The following TRPM3 variants were observed in gnomAD, a reference collection of about 807,000 sequenced individuals.
TRPM3 encodes the protein long transient receptor potential channel 3.
Under a neutral mutation model 181.2 loss-of-function variants are expected in TRPM3, and 77 were observed. The observed-to-expected ratio is 0.42, with a 90% confidence interval of 0.35 to 0.51. The LOEUF (loss-of-function observed/expected upper bound fraction) is 0.51. Among genes scored for constraint, TRPM3 ranks in the 20% least tolerant of loss-of-function variants. The pLI, the probability that TRPM3 is intolerant of heterozygous loss-of-function variation, is 0.01. For synonymous variants in TRPM3, 745 were observed against 796.4 expected (o/e 0.94, Z 1.09); for missense variants, 1,759 against 2,196.7 (o/e 0.80, Z 3.98).
At chr9:70,610,513 C>T in intron 19 of TRPM3, 96 bp downstream of exon 19, 1 of 1,458,544 alleles carries the variant, frequency 6.9e-7, no homozygotes, top group Non-Finnish European at 9.3e-7. Context: ...GTGTGTGGCA[C>T]TTACGACTTG....
intron 7 of TRPM3, chr9:70,774,186 C>T (rs2080897448): frequency 6.6e-6 from 1 of 152,670 alleles, no homozygotes; most frequent in Non-Finnish European, 1.5e-5. Context: ...GGTTCACTTA[C>T]ACTCTAATTT....
chr9:71,257,514 T>A (rs145611245), intron 1 of TRPM3, among the ~76,000 whole-genome samples: 1 of 152,194 alleles, frequency 6.6e-6, no homozygotes, highest in Admixed American at 6.6e-5. Context: ...AACTGTGTGA[T>A]AGTAATGGCA....
rs1424685366 is a variant in TRPM3 at position 71,011,791 on chromosome 9, T to G, written c.177+109387A>C. Reference sequence around the variant, plus strand: ...CATGGTTTTTTTTTTTGTTTTTTTGTTTTTTTTCAGACAGTATCTTGTTCC... The same window carrying G: ...CATGGTTTTTTTTTTTGTTTTTTTGGTTTTTTTCAGACAGTATCTTGTTCC... On this transcript the variant is annotated intron_variant, in intron 1 of 25. Coordinates refer to ENST00000677713, the MANE Select transcript of TRPM3 (RefSeq NM_001366145.2). 1.9e-4 allele frequency among the ~76,000 whole-genome samples: 17 copies of G among 91,100 alleles called. 1 individual carries two copies. The highest frequency in any genetic ancestry group is 1.8e-3 in the Admixed American group (15 of 8,122). 59.8% of individuals were successfully genotyped at this position (91,100 alleles called of 152,430 possible). A position where few individuals can be genotyped will look rare whatever the true frequency, so the allele number is the denominator to read the frequency against.
At chr9:71,306,639 G>A (rs966112837) in intron 1 of TRPM3, among the ~76,000 whole-genome samples, 1 of 152,150 alleles carries the variant, frequency 6.6e-6, no homozygotes, top group Non-Finnish European at 1.5e-5. Context: ...ACTTTGGGAG[G>A]CTGAGGCAGG....
intron 1 of TRPM3, among the ~76,000 whole-genome samples, chr9:70,913,437 T>G (rs1267836826): frequency 2.0e-5 from 3 of 152,098 alleles, no homozygotes; most frequent in Non-Finnish European, 4.4e-5. Context: ...ACTGCCACAA[T>G]TGAAAGAAGT....
chr9:70,876,326 T>A (rs764363848), intron 1 of TRPM3, among the ~76,000 whole-genome samples: 8 of 150,180 alleles, frequency 5.3e-5, no homozygotes, highest in Non-Finnish European at 8.9e-5. Flanking sequence ...TATATATATA[T>A]AAACTTTAAA....
intron 9 of TRPM3, among the ~76,000 whole-genome samples, chr9:70,673,797 A>C (rs1355063935): frequency 6.6e-6 from 1 of 151,880 alleles, no homozygotes; most frequent in African/African-American, 2.4e-5. Context: ...ATAAATAAAA[A>C]AATTAGCTGG....
chr9:70,848,155 C>A (rs1397033599), intron 3 of TRPM3, among the ~76,000 whole-genome samples: 1 of 151,756 alleles, frequency 6.6e-6, no homozygotes, highest in Admixed American at 6.6e-5. Flanking sequence ...GAGTAAGAAA[C>A]TAAAAAATGA....
intron 7 of TRPM3, chr9:70,774,537 C>A (rs1170792607): frequency 6.6e-6 from 1 of 152,108 alleles, no homozygotes; most frequent in Non-Finnish European, 1.5e-5. Flanking sequence ...GGGTTGGCAA[C>A]TCTAACCTCA....
At chr9:70,634,571 C>T (rs911813619) in intron 12 of TRPM3, among the ~76,000 whole-genome samples, 1 of 152,124 alleles carries the variant, frequency 6.6e-6, no homozygotes. Flanking sequence ...GAACTTTAAA[C>T]CTAGCTCTTC....
intron 6 of TRPM3, chr9:70,811,160 T>G (rs1221760306): frequency 3.7e-6 from 6 of 1,603,006 alleles, no homozygotes; most frequent in Non-Finnish European, 5.1e-6. Flanking sequence ...TTTCCATTAA[T>G]TATACTTACC....
At chr9:71,306,070 T>C (rs2087281651) in intron 1 of TRPM3, among the ~76,000 whole-genome samples, 2 of 152,180 alleles carry the variant, frequency 1.3e-5, no homozygotes, top group Non-Finnish European at 2.9e-5. Flanking sequence ...AAAGGAAATT[T>C]GACTGTCATG....
intron 8 of TRPM3, among the ~76,000 whole-genome samples, chr9:70,692,337 A>G (rs2068842531): frequency 6.6e-6 from 1 of 152,238 alleles, no homozygotes; most frequent in South Asian, 2.1e-4. Context: ...GAACATCTTT[A>G]TGTATGAGTC....
chr9:70,977,746 G>T (rs1012881173), intron 1 of TRPM3, among the ~76,000 whole-genome samples: 3 of 152,106 alleles, frequency 2.0e-5, no homozygotes, highest in East Asian at 1.9e-4. Context: ...ACTCAGGAAG[G>T]CACCTTACTT....
chr9:71,090,010 G>T (rs1042125015), intron 1 of TRPM3, among the ~76,000 whole-genome samples: 1 of 152,190 alleles, frequency 6.6e-6, no homozygotes, highest in Admixed American at 6.5e-5. Flanking sequence ...TTACGAATTT[G>T]CATTCGGCCA....
intron 1 of TRPM3, chr9:70,916,968 C>G: frequency 6.8e-7 from 1 of 1,463,764 alleles, no homozygotes; most frequent in Non-Finnish European, 9.4e-7. Flanking sequence ...TTCTAGTGAA[C>G]AATCTGGTAT....
intron 1 of TRPM3, among the ~76,000 whole-genome samples, chr9:71,145,413 G>A (rs2075350411): frequency 6.6e-6 from 1 of 152,130 alleles, no homozygotes; most frequent in South Asian, 2.1e-4. Flanking sequence ...AAGAGACTTT[G>A]AGAATGGATT....
intron 1 of TRPM3, among the ~76,000 whole-genome samples, chr9:71,169,964 G>T (rs1269210708): frequency 7.5e-6 from 1 of 133,514 alleles, no homozygotes; most frequent in Non-Finnish European, 1.5e-5. Context: ...TCATGCCACT[G>T]CACTCCAGCC....
chr9:70,664,820 T>C (rs959602457), intron 9 of TRPM3, among the ~76,000 whole-genome samples: 2 of 151,920 alleles, frequency 1.3e-5, no homozygotes, highest in African/African-American at 4.8e-5. Context: ...CCGGCTAATC[T>C]TTGCATTTTT....
Sources: gnomAD v4.1 joint callset for allele counts (sites outside exome capture counted in the v4.1 genomes callset) on GRCh38, gnomAD v4.1.1 for gene constraint, MANE v1.5 for transcripts, NCBI Gene and HGNC (gene_info 2026-07-23, HGNC 2026-07-21) for gene names.